CSF2RA: variants seen among roughly 807,000 people sequenced by gnomAD.
The protein encoded by CSF2RA is granulocyte-macrophage colony-stimulating factor receptor subunit alpha.
In CSF2RA, 42 loss-of-function variants were observed where a neutral mutation model predicts 51.6. That is an observed-to-expected ratio of 0.81 (90% confidence interval 0.64 to 1.05). The LOEUF (loss-of-function observed/expected upper bound fraction) is 1.05, where lower values mean the gene tolerates loss of function less well. CSF2RA is among the 50% of genes least tolerant of loss of function. The probability of loss-of-function intolerance (pLI) is 0.00; values close to 1 mark genes in which losing one functional copy is unlikely to be tolerated. For synonymous variants in CSF2RA, 222 were observed against 193.0 expected (o/e 1.15, Z -1.24); for missense variants, 530 against 501.1 (o/e 1.06, Z -0.55).
the CSF2RA span, among the ~76,000 whole-genome samples, chrX:1,319,051 A>G: frequency 1.5e-5 from 2 of 137,508 alleles, no homozygotes; most frequent in African/African-American, 4.9e-5. Flanking sequence ...GCTGGAGTAC[A>G]GTGGCATGAT....
intron 2 of CSF2RA, among the ~76,000 whole-genome samples, chrX:1,280,485 A>G (rs754874046): frequency 1.3e-3 from 194 of 147,212 alleles, no homozygotes; most frequent in South Asian, 4.2e-3. Flanking sequence ...AAAAAAAAAA[A>G]AAAAAGAAGA....
intron 10 of CSF2RA, among the ~76,000 whole-genome samples, chrX:1,301,572 G>A (rs1426124572): frequency 6.7e-6 from 1 of 150,136 alleles, no homozygotes; most frequent in East Asian, 1.9e-4. Flanking sequence ...CTGGCCAAGG[G>A]GAAGCTCTCT....
Position 1,288,405 on chromosome X carries a change from C to T in CSF2RA, c.220-114C>T. 4 of 1,159,100 alleles carry T rather than the reference C, an allele frequency of 3.5e-6. 1 individual carries two copies. Among genetic ancestry groups the T allele is most frequent in the South Asian group, 2.5e-5 (2 of 80,834 alleles). 71.8% of individuals were successfully genotyped at this position (1,159,100 alleles called of 1,614,324 possible). Reference sequence around the variant, plus strand: ...GCTGAGGCGGGAGAATTGCTTGAACCTGGAAGGCGGAGGTTGTAGTGAGCC... The same window carrying T: ...GCTGAGGCGGGAGAATTGCTTGAACTTGGAAGGCGGAGGTTGTAGTGAGCC... On this transcript the variant is annotated intron_variant, in intron 4 of 12. Coordinates refer to ENST00000381529, the MANE Select transcript of CSF2RA (RefSeq NM_172245.4).
At chrX:1,300,080 G>T (rs1160327304) in intron 9 of CSF2RA, among the ~76,000 whole-genome samples, 272 of 152,060 alleles carry the variant, frequency 1.8e-3, no homozygotes, top group Non-Finnish European at 3.0e-3. Context: ...TTAGCCGGGC[G>T]TGGTGGTGGG....
chrX:1,303,347 T>C (rs1317868323), intron 10 of CSF2RA: 54 of 423,180 alleles, frequency 1.3e-4, no homozygotes, highest in Non-Finnish European at 5.0e-5. Context: ...GCGATTCTCC[T>C]GCCTCAGACT....
At chrX:1,280,904 G>GCTCCTTCTCTTCCTCCTC (rs2089866209) in intron 2 of CSF2RA, among the ~76,000 whole-genome samples, 1 of 26,980 alleles carries the variant, frequency 3.7e-5, no homozygotes, top group Non-Finnish European at 6.7e-5. Context: ...TCCTCCTCCT[G>GCTCCTTCTCTTCCTCCTC]CTCCTTCTCC....
chrX:1,303,635 C>G (rs2083244546), intron 10 of CSF2RA, among the ~76,000 whole-genome samples: 1 of 152,174 alleles, frequency 6.6e-6, no homozygotes. Flanking sequence ...GTCGGCCTCC[C>G]AAAGTGCTGG....
chrX:1,323,885 G>A, the CSF2RA span, among the ~76,000 whole-genome samples: 2 of 151,800 alleles, frequency 1.3e-5, no homozygotes, highest in Non-Finnish European at 2.9e-5. Flanking sequence ...GTGGTGGTGG[G>A]CGCCTGTAGT....
chrX:1,303,931 G>C lies in CSF2RA; in HGVS notation c.955G>C (p.Asp319His), dbSNP rs768192391. The C allele has an allele frequency of 1.2e-6, 2 of 1,613,410 alleles. No homozygotes were observed. The highest frequency in any genetic ancestry group is 2.7e-5 in the African/African-American group (2 of 74,814). The change falls in exon 11 of 13, where the codon GAC becomes CAC. Residue 319 changes from aspartate (D) to histidine (H), a missense_variant. By Grantham distance (81) the Asp-to-His change is moderately conservative. Transcript: ENST00000381529. ...CCTGTGTGTCTCTCCAGGTTCTGAC[G>C]ACGGGAACCTCGGCTCTGTGTACAT... ...WSEAIEFGSD[D>H]GNLGSVYIYV...
intron 9 of CSF2RA, among the ~76,000 whole-genome samples, chrX:1,297,745 G>A (rs866854802): frequency 8.8e-4 from 64 of 73,142 alleles, no homozygotes; most frequent in South Asian, 1.2e-3. Context: ...TTCAGGAGCC[G>A]TAGTGTGACC....
At chrX:1,319,714 G>GT in the CSF2RA span, among the ~76,000 whole-genome samples, 2,371 of 121,290 alleles carry the variant, frequency 0.02, 78 homozygotes, top group African/African-American at 0.046. Flanking sequence ...CGCCTTTGCT[G>GT]TTTTTTTTTT....
At chrX:1,302,523 G>C (rs1426986648) in intron 10 of CSF2RA, among the ~76,000 whole-genome samples, 3 of 152,028 alleles carry the variant, frequency 2.0e-5, no homozygotes, top group African/African-American at 4.8e-5. Flanking sequence ...TTTGTTATTT[G>C]AGACGGACTC....
chrX:1,295,143 G>A (rs766523638), intron 8 of CSF2RA, among the ~76,000 whole-genome samples: 1 of 151,462 alleles, frequency 6.6e-6, no homozygotes, highest in East Asian at 1.9e-4. Flanking sequence ...AGGAGAGCCT[G>A]CTCCATGTCT....
At chrX:1,275,088 CAAAAAA>C (rs59502193) in intron 2 of CSF2RA, among the ~76,000 whole-genome samples, 1 of 118,458 alleles carries the variant, frequency 8.4e-6, no homozygotes, top group Non-Finnish European at 1.7e-5. Context: ...ATGAACCTGT[CAAAAAA>C]AAAAAAAAAA....
At chrX:1,288,136 G>C (rs767414909) in intron 4 of CSF2RA, among the ~76,000 whole-genome samples, 2 of 152,186 alleles carry the variant, frequency 1.3e-5, no homozygotes, top group East Asian at 1.9e-4. Context: ...AGGAAGCTTA[G>C]GGGGATGATT....
At chrX:1,321,259 GGAGATC>G in the CSF2RA span, among the ~76,000 whole-genome samples, 1 of 152,006 alleles carries the variant, frequency 6.6e-6, no homozygotes, top group Non-Finnish European at 1.5e-5. Flanking sequence ...CACGAGGTCA[GGAGATC>G]GAGACCATCC....
chrX:1,318,451 C>A, the CSF2RA span, among the ~76,000 whole-genome samples: 4 of 151,718 alleles, frequency 2.6e-5, no homozygotes, highest in Admixed American at 1.3e-4. Context: ...GCGTGAGCCA[C>A]TGCGCCAGGC....
At chrX:1,305,797 A>G in intron 12 of CSF2RA, 4 of 1,549,946 alleles carry the variant, frequency 2.6e-6, no homozygotes, top group East Asian at 2.4e-5. Context: ...GACGGTAGAG[A>G]GGGCCAGGCA....
chrX:1,286,147 C>A (rs1387644801), intron 4 of CSF2RA, among the ~76,000 whole-genome samples: 1 of 151,770 alleles, frequency 6.6e-6, no homozygotes, highest in Non-Finnish European at 1.5e-5. Flanking sequence ...TGGTGCATGC[C>A]TGTAGTCCCA....
Sources: allele counts gnomAD v4.1 joint callset (sites outside exome capture counted in the v4.1 genomes callset), GRCh38; gene constraint gnomAD v4.1.1; transcripts MANE v1.5; gene names NCBI Gene and HGNC (gene_info 2026-07-23, HGNC 2026-07-21).